The following OAT variants were observed in gnomAD, a reference collection of about 807,000 sequenced individuals.
The protein encoded by OAT is ornithine aminotransferase, mitochondrial.
In OAT, 35 loss-of-function variants were observed where a neutral mutation model predicts 48.4. That is an observed-to-expected ratio of 0.72 (90% confidence interval 0.55 to 0.96). The LOEUF (loss-of-function observed/expected upper bound fraction) is 0.96. OAT is among the 40% of genes least tolerant of loss of function. The probability of loss-of-function intolerance (pLI) is 0.00; values close to 1 mark genes in which losing one functional copy is unlikely to be tolerated. For missense variants in OAT, 438 were observed against 537.9 expected (o/e 0.81, Z 1.84); for synonymous variants, 182 against 198.4 (o/e 0.92, Z 0.70).
At chr10:124,400,446 T>TAAAAAA (rs56370450) in intron 9 of OAT, among the ~76,000 whole-genome samples, 1 of 103,848 alleles carries the variant, frequency 9.6e-6, no homozygotes, top group Non-Finnish European at 2.0e-5. Context: ...GACTCCATCT[T>TAAAAAA]AAAAAAAAAA....
chr10:124,416,143 C>G (rs2134506261), intron 1 of OAT, among the ~76,000 whole-genome samples: 1 of 152,242 alleles, frequency 6.6e-6, no homozygotes, highest in Middle Eastern at 3.4e-3. Context: ...ACTGTGCAGA[C>G]TTGTAACGGG....
chr10:124,406,994 A>C (rs1327089318), intron 4 of OAT: 4 of 985,226 alleles, frequency 4.1e-6, no homozygotes, highest in Non-Finnish European at 4.8e-6. Flanking sequence ...AGAGGTTGGG[A>C]GTTTGTGACA....
chr10:124,411,991 C>A lies in OAT; in HGVS notation c.181G>T (p.Ala61Ser), dbSNP rs369213619. Residue 61 changes from alanine (A) to serine (S), a missense_variant, in exon 2 of 10, where the codon GCC becomes TCC. Physicochemically the swap from Ala to Ser is moderately conservative, Grantham distance 99. Coordinates refer to ENST00000368845, the MANE Select transcript of OAT (RefSeq NM_000274.4). ...AACGTACCTTTTCCTCTCTCCAGGGCTACAGGTAAAGGATGGTAGTTGTGT... is the reference window on the plus strand; with the variant it reads ...AACGTACCTTTTCCTCTCTCCAGGGATACAGGTAAAGGATGGTAGTTGTGT... ...GAHNYHPLPV[A>S]LERGKGIYLW... 4.2e-5 allele frequency: 67 copies of A among 1,613,794 alleles called. No homozygotes were observed. Among genetic ancestry groups the A allele is most frequent in the Non-Finnish European group, 5.4e-5 (64 of 1,179,804 alleles).
chr10:124,417,543 C>T (rs1432716016), intron 1 of OAT, among the ~76,000 whole-genome samples: 1 of 152,076 alleles, frequency 6.6e-6, no homozygotes, highest in Non-Finnish European at 1.5e-5. Flanking sequence ...CCTGGGCCTC[C>T]CATAATACTG....
At chr10:124,403,274 G>A (rs1951467243) in intron 6 of OAT, 2 of 611,986 alleles carry the variant, frequency 3.3e-6, no homozygotes, top group East Asian at 2.9e-5. Context: ...TATCTCCCTA[G>A]AGGCCCATTC....
chr10:124,412,180 T>C lies in OAT; in HGVS notation c.-9A>G, dbSNP rs770112632. 1.2e-6 allele frequency: 2 copies of C among 1,612,452 alleles called. No homozygotes were observed. Among genetic ancestry groups the C allele is most frequent in the East Asian group, 4.5e-5 (2 of 44,876 alleles). On this transcript the variant is annotated 5_prime_UTR_variant, in exon 2 of 10. Transcript: ENST00000368845. ...GCTAGTTTGGAAAACATTGTGTCCT[T>C]CAAGTAGAAAAACCACAGATCTGTC... is the stretch of plus-strand genomic sequence containing the variant.
Position 124,411,206 on chromosome 10 carries a change from TC to T in OAT, c.199+766del, listed in dbSNP as rs1951740448. On this transcript the variant is annotated intron_variant, in intron 2 of 9. Transcript: ENST00000368845. Reference sequence around the variant, plus strand: ...GTCTGCAACTTCCTCTCAAAACAGTTCAGAAAACAATGTAGAATATGCAGGC... The same window carrying T: ...GTCTGCAACTTCCTCTCAAAACAGTTAGAAAACAATGTAGAATATGCAGGC... 4.2e-5 allele frequency among the ~76,000 whole-genome samples: 6 copies of T among 143,514 alleles called. No individual in the cohort carries two copies. In the Admixed American group the frequency reaches 4.3e-4, roughly 10 times the overall value. 94.2% of individuals were successfully genotyped at this position (143,514 alleles called of 152,430 possible).
intron 7 of OAT, among the ~76,000 whole-genome samples, chr10:124,402,258 A>G (rs1004195083): frequency 3.3e-5 from 5 of 152,200 alleles, no homozygotes; most frequent in African/African-American, 1.2e-4. Context: ...CCTAACTACC[A>G]GTAACAACCT....
chr10:124,410,638 T>G (rs1254000926), intron 2 of OAT, among the ~76,000 whole-genome samples: 1 of 151,832 alleles, frequency 6.6e-6, no homozygotes, highest in East Asian at 1.9e-4. Flanking sequence ...AAATCTAATC[T>G]CTACAAAAAA....
rs1564730882 is a variant in OAT at position 124,403,075 on chromosome 10, C to T, written c.772-20G>A. 1.2e-6 allele frequency: 2 copies of T among 1,613,380 alleles called. No homozygotes were observed. Among genetic ancestry groups the T allele is most frequent in the Non-Finnish European group, 1.7e-6 (2 of 1,179,888 alleles). On this transcript the variant is annotated intron_variant, in intron 6 of 9. Transcript: ENST00000368845. ...GAGAACCTATTGGGGAAAAAAAATA[C>T]CCCTATTAGTGATCACTTTCGTTTC...
At chr10:124,404,208 T>C (rs941524668) in intron 5 of OAT, among the ~76,000 whole-genome samples, 15 of 151,908 alleles carry the variant, frequency 9.9e-5, no homozygotes, top group African/African-American at 3.6e-4. Flanking sequence ...CTCAAGGTGA[T>C]CCTCCTGCCT....
intron 6 of OAT, 53 bp from the exon 7 acceptor site, chr10:124,403,108 A>T: frequency 6.3e-7 from 1 of 1,596,466 alleles, no homozygotes; most frequent in Non-Finnish European, 8.6e-7. Flanking sequence ...TTCCACAGGG[A>T]AAATAGCCAT....
intron 4 of OAT, chr10:124,407,233 T>C (rs946704805): frequency 2.0e-6 from 2 of 985,328 alleles, no homozygotes; most frequent in African/African-American, 3.5e-5. Flanking sequence ...CATAAGCCTA[T>C]TTGCTCTCCC....
intron 5 of OAT, among the ~76,000 whole-genome samples, chr10:124,404,724 C>A (rs1385761851): frequency 6.6e-6 from 1 of 152,204 alleles, no homozygotes; most frequent in East Asian, 1.9e-4. Context: ...CCATGCCCAG[C>A]CTGTTTTCTA....
rs147322735 is a variant in OAT, at chr10:124,403,050, G to A, written c.777C>T (p.Leu259=). ...CTGTCTGTATTTCATCAGCAATAAA[G>A]AGAACCTATTGGGGAAAAAAAATAC... The part of the protein sequence containing the change: ...VRELCTRHQV[L]FIADEIQTGL... The change falls in exon 7 of 10, where the codon CTC becomes CTT. Residue 259 remains leucine, a synonymous_variant. Coordinates refer to ENST00000368845, the MANE Select transcript of OAT (RefSeq NM_000274.4). The A allele has an allele frequency of 1.2e-5, 19 of 1,613,840 alleles. No individual in the cohort carries two copies. Among genetic ancestry groups the A allele is most frequent in the Non-Finnish European group, 1.5e-5 (18 of 1,180,008 alleles).
chr10:124,408,391 C>T, intron 4 of OAT, 151 bp downstream of exon 4: 2 of 492,062 alleles, frequency 4.1e-6, no homozygotes, highest in South Asian at 4.3e-5. Context: ...CTATGTTGCC[C>T]AGAAGGCTGG....
intron 6 of OAT, 99 bp from the exon 7 acceptor site, chr10:124,403,154 G>T: frequency 7.5e-7 from 1 of 1,337,422 alleles, no homozygotes; most frequent in Non-Finnish European, 1.1e-6. Context: ...CAATAAATGT[G>T]TAATTCTGAT....
Position 124,418,898 on chromosome 10 carries a change from T to A in OAT, c.-55A>T, listed in dbSNP as rs1437887273. 6.6e-6 allele frequency: 1 copy of A among 151,788 alleles called. No individual in the cohort carries two copies. The highest frequency in any genetic ancestry group is 1.5e-5 in the Non-Finnish European group (1 of 67,992). The allele number at this position is 151,788 out of a possible 1,614,324, so 9.4% of individuals were successfully genotyped here. On this transcript the variant is annotated 5_prime_UTR_variant, in exon 1 of 10. Coordinates refer to ENST00000368845, the MANE Select transcript of OAT (RefSeq NM_000274.4). ...CTGACAGCGCCTGAGGACAACCGGG[T>A]ACACGCGGCGTCTATGAAGCGCAAC...
chr10:124,405,681 T>C (rs2134466172), intron 4 of OAT, 118 bp from the exon 5 acceptor site: 1 of 1,540,128 alleles, frequency 6.5e-7, no homozygotes, highest in Non-Finnish European at 8.8e-7. Context: ...CTTGCTTTAG[T>C]GCACCTTCGG....
Sources: gnomAD v4.1 joint callset for allele counts (sites outside exome capture counted in the v4.1 genomes callset) on GRCh38, gnomAD v4.1.1 for gene constraint, MANE v1.5 for transcripts, NCBI Gene and HGNC (gene_info 2026-07-23, HGNC 2026-07-21) for gene names.